Variants in DLG2 observed in about 807,000 individuals in gnomAD.
The protein encoded by DLG2 is discs large MAGUK scaffold protein 2, also known as disks large homolog 2.
Under a neutral mutation model 132.5 loss-of-function variants are expected in DLG2, and 45 were observed. That is an observed-to-expected ratio of 0.34 (90% CI 0.27 to 0.44). The LOEUF is 0.44. Among genes scored for constraint, DLG2 ranks in the 20% least tolerant of loss-of-function variants. DLG2 has a pLI of 1.00. For synonymous variants in DLG2, 424 were observed against 419.6 expected (o/e 1.01, Z -0.13); for missense variants, 1,045 against 1,196.9 (o/e 0.87, Z 1.87).
At chr11:83,975,273 G>C (rs2092026881) in intron 12 of DLG2, among the ~76,000 whole-genome samples, 1 of 151,942 alleles carries the variant, frequency 6.6e-6, no homozygotes, top group Non-Finnish European at 1.5e-5. Context: ...AAGGCCAAGA[G>C]AATCTATTTC....
At chr11:84,545,299 C>A in intron 6 of DLG2, 1 of 505,178 alleles carries the variant, frequency 2.0e-6, no homozygotes, top group Non-Finnish European at 3.9e-6. Context: ...ATTGTTGTAG[C>A]TGCCAAAATC....
At chr11:85,445,809 G>A (rs1452709866) in intron 3 of DLG2, among the ~76,000 whole-genome samples, 1 of 152,052 alleles carries the variant, frequency 6.6e-6, no homozygotes, top group Non-Finnish European at 1.5e-5. Context: ...TCCTTTTTTA[G>A]AACCTAACAC....
intron 27 of DLG2, among the ~76,000 whole-genome samples, chr11:83,461,119 C>T (rs2089900875): frequency 6.6e-6 from 1 of 150,980 alleles, no homozygotes; most frequent in Non-Finnish European, 1.5e-5. Flanking sequence ...AGTGATTCTC[C>T]TGTCTCAGCC....
chr11:84,165,492 A>C (rs114893115), intron 8 of DLG2, among the ~76,000 whole-genome samples: 2,355 of 152,266 alleles, frequency 0.015, 61 homozygotes, highest in African/African-American at 0.053. Context: ...TATTTACCTC[A>C]TGGGTCTTTC....
intron 6 of DLG2, among the ~76,000 whole-genome samples, chr11:84,733,328 C>T (rs941562125): frequency 6.6e-6 from 1 of 152,136 alleles, no homozygotes; most frequent in African/African-American, 2.4e-5. Flanking sequence ...TTAATGATCG[C>T]CATTCTAACT....
At position 84,275,623 on chromosome 11, in the gene DLG2, G is replaced by T. The variant is rs987852308; in HGVS notation, c.520-24332C>A. On this transcript the variant is annotated intron_variant, in intron 7 of 27. Transcript: ENST00000376104. Reference sequence around the variant, plus strand: ...ACCTGCCTCAGCCTCCCAAAGTGCTGGGATTACAGGCATGAGCCACACACC... The same window carrying T: ...ACCTGCCTCAGCCTCCCAAAGTGCTTGGATTACAGGCATGAGCCACACACC... Among the ~76,000 whole-genome samples, 6 of 152,314 alleles carry T rather than the reference G, an allele frequency of 3.9e-5. No homozygotes were observed. In the South Asian group the frequency reaches 1.2e-3, roughly 32 times the overall value.
At chr11:85,096,377 G>A (rs1322006590) in intron 6 of DLG2, among the ~76,000 whole-genome samples, 1 of 152,022 alleles carries the variant, frequency 6.6e-6, no homozygotes, top group African/African-American at 2.4e-5. Context: ...AAGTTAGCAA[G>A]ACCACGAACC....
intron 8 of DLG2, among the ~76,000 whole-genome samples, chr11:84,214,239 G>T (rs1228818975): frequency 3.0e-5 from 4 of 134,388 alleles, no homozygotes; most frequent in African/African-American, 1.4e-4. Context: ...ACATATATAT[G>T]AATATATATA....
At chr11:85,615,318 G>A (rs1458745327) in intron 2 of DLG2, among the ~76,000 whole-genome samples, 1 of 152,280 alleles carries the variant, frequency 6.6e-6, no homozygotes, top group East Asian at 1.9e-4. Flanking sequence ...AGGAGTTCAA[G>A]ACCAGCCTGG....
chr11:85,081,499 G>C (rs536384812), intron 6 of DLG2, among the ~76,000 whole-genome samples: 3 of 152,216 alleles, frequency 2.0e-5, no homozygotes, highest in African/African-American at 7.2e-5. Flanking sequence ...GTGGGTCCTA[G>C]AAACCAGAAC....
At chr11:85,202,439 A>G (rs927159699) in intron 4 of DLG2, among the ~76,000 whole-genome samples, 2 of 152,176 alleles carry the variant, frequency 1.3e-5, no homozygotes, top group African/African-American at 4.8e-5. Flanking sequence ...CTGCGATATA[A>G]TAGCATTAGG....
chr11:85,484,159 T>A (rs1025446633), intron 3 of DLG2, among the ~76,000 whole-genome samples: 1 of 146,762 alleles, frequency 6.8e-6, no homozygotes, highest in East Asian at 2.0e-4. Flanking sequence ...GTCCGCGCAG[T>A]CCGCCCGGAG....
At chr11:84,138,319 G>A (rs1379777356) in intron 9 of DLG2, among the ~76,000 whole-genome samples, 1 of 152,172 alleles carries the variant, frequency 6.6e-6, no homozygotes, top group Non-Finnish European at 1.5e-5. Flanking sequence ...ATTCAGAACA[G>A]CCAAGTCTGA....
chr11:84,675,073 A>G (rs751966837), intron 6 of DLG2, among the ~76,000 whole-genome samples: 5 of 152,068 alleles, frequency 3.3e-5, no homozygotes, highest in Non-Finnish European at 5.9e-5. Flanking sequence ...ATTTGCATCA[A>G]GTTGCAACTG....
chr11:83,661,252 G>A (rs960122654), intron 18 of DLG2, among the ~76,000 whole-genome samples: 1 of 152,058 alleles, frequency 6.6e-6, no homozygotes, highest in South Asian at 2.1e-4. Flanking sequence ...AACCTCTCTT[G>A]TGCTTAAATT....
intron 14 of DLG2, among the ~76,000 whole-genome samples, chr11:83,943,290 T>G (rs981206130): frequency 2.6e-5 from 4 of 152,216 alleles, no homozygotes; most frequent in African/African-American, 9.6e-5. Context: ...AGGAAAAAAC[T>G]ATTTTTTCTT....
intron 2 of DLG2, among the ~76,000 whole-genome samples, chr11:85,623,312 T>TA (rs1283586032): frequency 7.3e-6 from 1 of 137,280 alleles, no homozygotes; most frequent in Non-Finnish European, 1.6e-5. Context: ...ATAGGACAAT[T>TA]TTTTTTTTTT....
At chr11:84,141,309 G>T (rs1423803544) in intron 9 of DLG2, among the ~76,000 whole-genome samples, 1 of 150,970 alleles carries the variant, frequency 6.6e-6, no homozygotes, top group Non-Finnish European at 1.5e-5. Flanking sequence ...ATATAATATA[G>T]AATATAGAAT....
At chr11:84,540,210 C>G (rs1181625014) in intron 6 of DLG2, among the ~76,000 whole-genome samples, 6 of 151,958 alleles carry the variant, frequency 3.9e-5, no homozygotes, top group East Asian at 1.9e-4. Context: ...TTAAACTAAA[C>G]AGCTCCTGCA....
Sources: gnomAD v4.1 joint callset for allele counts (sites outside exome capture counted in the v4.1 genomes callset) on GRCh38, gnomAD v4.1.1 for gene constraint, MANE v1.5 for transcripts, NCBI Gene and HGNC (gene_info 2026-07-23, HGNC 2026-07-21) for gene names.